STXBP5: variants seen among roughly 807,000 people sequenced by gnomAD.
STXBP5 encodes the protein syntaxin binding protein 5.
In STXBP5, 50 loss-of-function variants were observed where a neutral mutation model predicts 152.4. The ratio of observed to expected loss-of-function variants is 0.33; its 90% CI spans 0.26 to 0.42. The LOEUF is 0.42. Ranked by LOEUF, STXBP5 falls within the 10% of genes least tolerant of loss-of-function variation. STXBP5 has a pLI of 1.00. For missense variants in STXBP5, 1,167 were observed against 1,388.6 expected, an observed-to-expected ratio of 0.84 and a Z score of 2.54; for synonymous variants, 492 against 494.7, an observed-to-expected ratio of 0.99 and a Z score of 0.07.
intron 2 of STXBP5, among the ~76,000 whole-genome samples, chr6:147,212,631 T>G (rs1776914518): frequency 6.6e-6 from 1 of 152,192 alleles, no homozygotes; most frequent in Non-Finnish European, 1.5e-5. Flanking sequence ...AGGGATCTTC[T>G]GGTTGATTGC....
intron 26 of STXBP5, among the ~76,000 whole-genome samples, chr6:147,378,574 C>G (rs1244806383): frequency 1.3e-5 from 2 of 151,974 alleles, no homozygotes; most frequent in Non-Finnish European, 2.9e-5. Context: ...ATTCAGCATT[C>G]TTTTCAAGTC....
chr6:147,231,346 G>A (rs746729021), intron 2 of STXBP5, among the ~76,000 whole-genome samples: 9 of 151,772 alleles, frequency 5.9e-5, no homozygotes, highest in Non-Finnish European at 1.2e-4. Flanking sequence ...TGATAATGGT[G>A]CTTGTCTGGA....
At chr6:147,256,628 G>C (rs942080111) in intron 4 of STXBP5, among the ~76,000 whole-genome samples, 4 of 152,170 alleles carry the variant, frequency 2.6e-5, no homozygotes, top group African/African-American at 7.2e-5. Context: ...GCTTCGAAAA[G>C]ATAACTCTTG....
chr6:147,257,257 A>G lies in STXBP5; in HGVS notation c.432-3358A>G, dbSNP rs1281258300. ...GGGGATTCAACTTCATTATCTGTGT[A>G]TTTCTGTTACATTGTTTCAATCATT... On this transcript the variant is annotated intron_variant, in intron 4 of 27. Transcript: ENST00000321680. 4.0e-5 allele frequency among the ~76,000 whole-genome samples: 6 copies of G among 151,220 alleles called. No homozygotes were observed. In the South Asian group the frequency reaches 6.3e-4, roughly 16 times the overall value.
At chr6:147,285,939 G>C (rs1301763714) in intron 8 of STXBP5, among the ~76,000 whole-genome samples, 1 of 152,102 alleles carries the variant, frequency 6.6e-6, no homozygotes, top group Admixed American at 6.5e-5. Flanking sequence ...TCTAAATTCT[G>C]TCAGCCTGAC....
At chr6:147,265,131 G>A (rs1237863100) in intron 6 of STXBP5, among the ~76,000 whole-genome samples, 1 of 151,958 alleles carries the variant, frequency 6.6e-6, no homozygotes, top group East Asian at 1.9e-4. Flanking sequence ...AAAAGACTGG[G>A]AAAAGAGAGA....
chr6:147,216,846 A>G (rs1402079632), intron 2 of STXBP5, among the ~76,000 whole-genome samples: 3 of 152,248 alleles, frequency 2.0e-5, no homozygotes, highest in Non-Finnish European at 4.4e-5. Context: ...TTTGAAAAAT[A>G]AGGTTTGCTT....
At chr6:147,288,460 A>G (rs988092258) in intron 8 of STXBP5, among the ~76,000 whole-genome samples, 1 of 151,938 alleles carries the variant, frequency 6.6e-6, no homozygotes, top group Non-Finnish European at 1.5e-5. Context: ...CTGTCCCCGA[A>G]CCCCTCATGT....
chr6:147,304,442 G>T (rs1047840423), intron 9 of STXBP5, among the ~76,000 whole-genome samples: 1 of 152,196 alleles, frequency 6.6e-6, no homozygotes, highest in Non-Finnish European at 1.5e-5. Flanking sequence ...TGTCCAGGCA[G>T]AAGTTTGCTG....
At chr6:147,241,979 A>G (rs1198595776) in intron 4 of STXBP5, among the ~76,000 whole-genome samples, 1 of 152,112 alleles carries the variant, frequency 6.6e-6, no homozygotes, top group Admixed American at 6.6e-5. Flanking sequence ...CTTATTTAAG[A>G]AAAACAGCCT....
At chr6:147,352,604 C>A (rs1052913399) in intron 21 of STXBP5, among the ~76,000 whole-genome samples, 2 of 151,882 alleles carry the variant, frequency 1.3e-5, no homozygotes, top group Non-Finnish European at 2.9e-5. Context: ...AGTGAGAATT[C>A]GCCTCAATTT....
chr6:147,373,443 A>T (rs117646839), intron 25 of STXBP5, among the ~76,000 whole-genome samples: 4,360 of 152,034 alleles, frequency 0.029, 104 homozygotes, highest in Admixed American at 0.049. Context: ...GTTATATGAA[A>T]ATTTTGTCTG....
chr6:147,204,953 T>G lies in STXBP5; in HGVS notation c.150+271T>G, dbSNP rs1776463991. Among the ~76,000 whole-genome samples the G allele has an allele frequency of 6.6e-6, 1 of 152,162 alleles. No individual in the cohort carries two copies. Among genetic ancestry groups the G allele is most frequent in the Non-Finnish European group, 1.5e-5 (1 of 68,020 alleles). On this transcript the variant is annotated intron_variant, in intron 1 of 27. Coordinates refer to ENST00000321680, the MANE Select transcript of STXBP5 (RefSeq NM_001127715.4). This position sits in a 1 kb window ranked among gnomAD's most constrained non-coding sequence, Gnocchi z 4.3. ...GTTGCTTCAAACTATTATCCGACCT[T>G]TAATCGTATTCTGACACTGCCAGTA...
At chr6:147,217,969 A>T (rs879925385) in intron 2 of STXBP5, among the ~76,000 whole-genome samples, 3 of 152,200 alleles carry the variant, frequency 2.0e-5, no homozygotes, top group Non-Finnish European at 4.4e-5. Context: ...AGCATTGAGT[A>T]AGCAGTAAAA....
chr6:147,357,139 C>CT lies in STXBP5; in HGVS notation c.2306-1944dup, dbSNP rs559789565. Reference sequence around the variant, plus strand: ...GAAATAACTACAGAACAAATGTACTCTAAGTGTCATGGGAGAGATACATGG... The same window carrying CT: ...GAAATAACTACAGAACAAATGTACTCTTAAGTGTCATGGGAGAGATACATGG... On this transcript the variant is annotated intron_variant, in intron 22 of 27. Transcript: ENST00000321680. Among the ~76,000 whole-genome samples, 27 of 152,178 alleles carry CT rather than the reference C, an allele frequency of 1.8e-4. No individual in the cohort carries two copies. In the South Asian group the frequency reaches 3.3e-3, roughly 19 times the overall value.
chr6:147,336,985 C>T (rs1266903277), intron 19 of STXBP5, among the ~76,000 whole-genome samples: 2 of 151,832 alleles, frequency 1.3e-5, no homozygotes, highest in Non-Finnish European at 2.9e-5. Flanking sequence ...ATAGTTTGCC[C>T]TTTTCATTTA....
chr6:147,256,152 C>T (rs1312856269), intron 4 of STXBP5, among the ~76,000 whole-genome samples: 2 of 152,196 alleles, frequency 1.3e-5, no homozygotes, highest in African/African-American at 4.8e-5. Context: ...CCACCTCTCA[C>T]CACATGAAGC....
At chr6:147,336,154 A>G (rs766969514) in intron 19 of STXBP5, among the ~76,000 whole-genome samples, 4 of 152,204 alleles carry the variant, frequency 2.6e-5, no homozygotes, top group South Asian at 2.1e-4. Context: ...TTTTTTACAA[A>G]AAGTCAAACT....
chr6:147,370,989 T>G (rs554113307), intron 25 of STXBP5, among the ~76,000 whole-genome samples: 66 of 152,182 alleles, frequency 4.3e-4, no homozygotes, highest in Non-Finnish European at 8.7e-4. Flanking sequence ...TAGTCCTAAA[T>G]TTTACCATTC....
Sources: gnomAD v4.1 joint callset for allele counts (sites outside exome capture counted in the v4.1 genomes callset) on GRCh38, gnomAD v4.1.1 for gene constraint, Gnocchi (gnomAD v3.1) non-coding constraint, MANE v1.5 for transcripts, NCBI Gene and HGNC (gene_info 2026-07-23, HGNC 2026-07-21) for gene names.